The following ASTN2 variants were observed in gnomAD, a reference collection of about 807,000 sequenced individuals.
ASTN2 encodes the protein astrotactin 2.
A neutral mutation model predicts 139.8 loss-of-function variants in ASTN2; 54 were observed. The observed-to-expected ratio is 0.39, with a 90% CI of 0.31 to 0.48. The LOEUF is 0.48. ASTN2 is among the 20% of genes least tolerant of loss of function. The probability of loss-of-function intolerance (pLI) is 0.95; values close to 1 mark genes in which losing one functional copy is unlikely to be tolerated. For synonymous variants in ASTN2, 756 were observed against 719.5 expected, an observed-to-expected ratio of 1.05 and a Z score of -0.81; for missense variants, 1,565 against 1,725.1, an observed-to-expected ratio of 0.91 and a Z score of 1.64.
chr9:116,999,552 T>C (rs10983454), intron 7 of ASTN2, among the ~76,000 whole-genome samples: 2,670 of 17,390 alleles, frequency 0.15, 66 homozygotes, highest in Admixed American at 0.19. Flanking sequence ...CTCTTTCTTT[T>C]TTTTTTTTTT....
At chr9:116,687,605 G>GGGGGA (rs1860332442) in intron 16 of ASTN2, among the ~76,000 whole-genome samples, 1 of 151,230 alleles carries the variant, frequency 6.6e-6, no homozygotes, top group Admixed American at 6.6e-5. Context: ...AGATGCAGCT[G>GGGGGA]GGGGAGGGGA....
intron 11 of ASTN2, among the ~76,000 whole-genome samples, chr9:116,827,011 G>C (rs1831649087): frequency 6.6e-6 from 1 of 152,090 alleles, no homozygotes; most frequent in South Asian, 2.1e-4. Context: ...TATCACACCT[G>C]AAAGAACTAG....
At chr9:117,344,389 T>C (rs1319786618) in intron 1 of ASTN2, among the ~76,000 whole-genome samples, 1 of 151,944 alleles carries the variant, frequency 6.6e-6, no homozygotes, top group African/African-American at 2.4e-5. Flanking sequence ...TAAGTCCAGG[T>C]CCCCAAAGAC....
chr9:116,845,516 T>C (rs1832402437), intron 11 of ASTN2, among the ~76,000 whole-genome samples: 1 of 152,142 alleles, frequency 6.6e-6, no homozygotes, highest in Non-Finnish European at 1.5e-5. Flanking sequence ...AAATGGCTTA[T>C]GATAAAAAAT....
intron 5 of ASTN2, among the ~76,000 whole-genome samples, chr9:117,050,306 TC>T (rs1002613470): frequency 4.6e-5 from 7 of 152,142 alleles, no homozygotes; most frequent in African/African-American, 1.7e-4. Context: ...AAGTCCCTGT[TC>T]CATTATCTTG....
chr9:117,012,810 T>G lies in ASTN2; in HGVS notation c.1424-4551A>C, dbSNP rs1837571962. 2.6e-5 allele frequency among the ~76,000 whole-genome samples: 4 copies of G among 152,124 alleles called. No individual in the cohort carries two copies. The South Asian group carries it at 8.3e-4, about 31-fold the overall frequency. Reference sequence around the variant, plus strand: ...TAACTGGCCTGCACTACTCTTAATCTCTTTATTATTTGCAAGGCACTCCAC... The same window carrying G: ...TAACTGGCCTGCACTACTCTTAATCGCTTTATTATTTGCAAGGCACTCCAC... On this transcript the variant is annotated intron_variant, in intron 6 of 22. Coordinates refer to ENST00000313400, the MANE Select transcript of ASTN2 (RefSeq NM_001365068.1).
At chr9:116,602,559 A>T (rs1042014019) in intron 19 of ASTN2, among the ~76,000 whole-genome samples, 1 of 152,176 alleles carries the variant, frequency 6.6e-6, no homozygotes, top group Non-Finnish European at 1.5e-5. Context: ...GAAAAATGTT[A>T]AATTGTTTGG....
Position 117,414,631 on chromosome 9 carries a change from G to A in ASTN2, c.308C>T (p.Ala103Val). ...GGCAGAGCCAGGAGAGCCCGGGGAC[G>A]CGGCGGCGGCGGCGGCTCCGGCCCC... ...GTGAGAAAAA[A>V]SPGSPGSAGT... The change falls in exon 1 of 23, where the codon GCG becomes GTG. Residue 103 changes from alanine (A) to valine (V), a missense_variant. By Grantham distance (64) the Ala-to-Val change is moderately conservative. Transcript: ENST00000313400. The surrounding 1 kb of genome is among the most constrained non-coding windows in gnomAD (Gnocchi z 4.2). 1 of 1,329,632 alleles carries A rather than the reference G, an allele frequency of 7.5e-7. No homozygotes were observed. The highest frequency in any genetic ancestry group is 2.0e-5 in the South Asian group (1 of 51,078). The allele number at this position is 1,329,632 out of a possible 1,614,324, so 82.4% of individuals were successfully genotyped here.
chr9:116,703,599 G>A (rs1374640836), intron 16 of ASTN2, among the ~76,000 whole-genome samples: 1 of 151,254 alleles, frequency 6.6e-6, no homozygotes, highest in Admixed American at 6.6e-5. Context: ...GTGGGGAGGG[G>A]TAGCATTGGG....
At chr9:116,471,835 A>C (rs1848823149) in intron 20 of ASTN2, among the ~76,000 whole-genome samples, 1 of 152,160 alleles carries the variant, frequency 6.6e-6, no homozygotes, top group Non-Finnish European at 1.5e-5. Flanking sequence ...TTCAAAGGCT[A>C]CCCAGCTAAG....
chr9:117,261,670 C>T (rs1833825567), intron 2 of ASTN2, among the ~76,000 whole-genome samples: 1 of 151,974 alleles, frequency 6.6e-6, no homozygotes, highest in African/African-American at 2.4e-5. Flanking sequence ...CTATCTCCTC[C>T]ACCATCTGTA....
chr9:116,816,744 A>G (rs529943513), intron 12 of ASTN2, among the ~76,000 whole-genome samples: 61 of 152,224 alleles, frequency 4.0e-4, no homozygotes, highest in Admixed American at 3.9e-3. Flanking sequence ...GCAGCCCCAG[A>G]GAAAGGATGA....
chr9:116,927,931 C>A (rs560535152), intron 10 of ASTN2, among the ~76,000 whole-genome samples: 7 of 152,312 alleles, frequency 4.6e-5, no homozygotes, highest in Admixed American at 1.3e-4. Context: ...GAAATCACAC[C>A]AATTTAGCTT....
chr9:117,365,946 C>A (rs1829833729), intron 1 of ASTN2, among the ~76,000 whole-genome samples: 1 of 152,156 alleles, frequency 6.6e-6, no homozygotes, highest in Non-Finnish European at 1.5e-5. Flanking sequence ...TTCACCATTG[C>A]AGAATGTGAC....
intron 1 of ASTN2, among the ~76,000 whole-genome samples, chr9:117,393,405 G>A (rs544362456): frequency 6.6e-6 from 1 of 152,082 alleles, no homozygotes; most frequent in East Asian, 1.9e-4. Flanking sequence ...GAGGAGAAAA[G>A]AGACATTAAA....
At chr9:116,484,824 G>A (rs867071424) in intron 20 of ASTN2, among the ~76,000 whole-genome samples, 1 of 152,164 alleles carries the variant, frequency 6.6e-6, no homozygotes, top group African/African-American at 2.4e-5. Flanking sequence ...GGAAAAGAAG[G>A]GGCAAAGGAA....
At chr9:117,341,780 T>C (rs960090768) in intron 1 of ASTN2, among the ~76,000 whole-genome samples, 1 of 152,210 alleles carries the variant, frequency 6.6e-6, no homozygotes, top group African/African-American at 2.4e-5. Flanking sequence ...TCTGTGGAGT[T>C]CATTTCACAT....
chr9:116,825,169 T>C (rs374001309), intron 11 of ASTN2, among the ~76,000 whole-genome samples: 58 of 152,282 alleles, frequency 3.8e-4, no homozygotes, highest in African/African-American at 1.3e-3. Flanking sequence ...GACAAGAATA[T>C]GAGGACTAAA....
intron 4 of ASTN2, among the ~76,000 whole-genome samples, chr9:117,127,999 T>C (rs992408438): frequency 6.6e-6 from 1 of 151,956 alleles, no homozygotes; most frequent in Non-Finnish European, 1.5e-5. Flanking sequence ...AAAGATAGTT[T>C]GGTGAACAGG....
Sources: gnomAD v4.1 joint callset for allele counts (sites outside exome capture counted in the v4.1 genomes callset) on GRCh38, gnomAD v4.1.1 for gene constraint, Gnocchi (gnomAD v3.1) non-coding constraint, MANE v1.5 for transcripts, NCBI Gene and HGNC (gene_info 2026-07-23, HGNC 2026-07-21) for gene names.